The following ZFYVE1 variants were observed in gnomAD, a reference collection of about 807,000 sequenced individuals.
ZFYVE1 encodes the protein zinc finger FYVE-type containing 1, also known as zinc finger FYVE domain-containing protein 1.
In ZFYVE1, 30 loss-of-function variants were observed where a neutral mutation model predicts 74.4. That is an observed-to-expected ratio of 0.40 (90% CI 0.30 to 0.55). The LOEUF (loss-of-function observed/expected upper bound fraction) is 0.55, where lower values mean the gene tolerates loss of function less well. ZFYVE1 is among the 20% of genes least tolerant of loss of function. ZFYVE1 has a pLI of 0.42. For synonymous variants in ZFYVE1, 335 were observed against 385.1 expected (o/e 0.87, Z 1.52); for missense variants, 703 against 1,011.6 (o/e 0.69, Z 4.14).
intron 2 of ZFYVE1, among the ~76,000 whole-genome samples, chr14:73,018,509 ACT>A (rs1894247669): frequency 6.6e-6 from 1 of 150,968 alleles, no homozygotes; most frequent in South Asian, 2.1e-4. Context: ...CTTCCAAATC[ACT>A]CTTCTTAATA....
At chr14:73,022,690 G>T (rs998116931) in intron 2 of ZFYVE1, among the ~76,000 whole-genome samples, 4 of 152,038 alleles carry the variant, frequency 2.6e-5, no homozygotes, top group Non-Finnish European at 5.9e-5. Context: ...CCACTCAAAA[G>T]AAAAGTATAG....
chr14:73,010,078 C>CA (rs927772687), intron 2 of ZFYVE1, among the ~76,000 whole-genome samples: 4 of 151,170 alleles, frequency 2.6e-5, no homozygotes, highest in African/African-American at 2.4e-5. Flanking sequence ...CAACATGTCT[C>CA]AAAAAAAACA....
At chr14:73,015,875 T>C (rs1428075804) in intron 2 of ZFYVE1, among the ~76,000 whole-genome samples, 1 of 151,676 alleles carries the variant, frequency 6.6e-6, no homozygotes, top group East Asian at 2.0e-4. Flanking sequence ...TGCAGTGAGC[T>C]GAGATCGCGC....
chr14:72,980,229 G>A (rs1056072663), intron 5 of ZFYVE1, among the ~76,000 whole-genome samples: 4 of 152,168 alleles, frequency 2.6e-5, no homozygotes, highest in African/African-American at 9.7e-5. Context: ...TGCAGCAGGT[G>A]GCCTACAGGA....
intron 2 of ZFYVE1, among the ~76,000 whole-genome samples, chr14:73,012,364 G>A (rs1238786844): frequency 1.3e-5 from 2 of 152,206 alleles, no homozygotes; most frequent in Admixed American, 6.5e-5. Flanking sequence ...CCTCATGCTT[G>A]TAAACCCAAC....
intron 10 of ZFYVE1, among the ~76,000 whole-genome samples, 186 bp downstream of exon 10, chr14:72,974,593 G>A (rs990892410): frequency 6.6e-5 from 10 of 152,202 alleles, no homozygotes; most frequent in Admixed American, 3.3e-4. Flanking sequence ...GGACAGGTTC[G>A]AGCCCCTGAG....
At chr14:73,020,223 C>CCAG (rs1245262656) in intron 2 of ZFYVE1, among the ~76,000 whole-genome samples, 1 of 129,358 alleles carries the variant, frequency 7.7e-6, no homozygotes, top group Non-Finnish European at 1.5e-5. Flanking sequence ...CCATCACACT[C>CCAG]CAGCACCTGC....
chr14:72,975,015 C>T lies in ZFYVE1; in HGVS notation c.1807-56G>A. On this transcript the variant is annotated intron_variant, in intron 9 of 11. Coordinates refer to ENST00000556143, the MANE Select transcript of ZFYVE1 (RefSeq NM_021260.4). This position sits in a 1 kb window ranked among gnomAD's most constrained non-coding sequence, Gnocchi z 4.1. ...CAGGTAGGTATGGTACATGTCTGCT[C>T]AGCTGAGAAAGTCAACAAGACCCCG... The T allele has an allele frequency of 6.5e-7, 1 of 1,530,436 alleles. No individual in the cohort carries two copies. 94.8% of individuals were successfully genotyped at this position (1,530,436 alleles called of 1,614,324 possible).
chr14:73,025,768 G>C (rs1030243800), intron 1 of ZFYVE1, among the ~76,000 whole-genome samples: 3 of 150,914 alleles, frequency 2.0e-5, no homozygotes, highest in Admixed American at 6.6e-5. Context: ...GCCACCTCTA[G>C]GCCCAAGGCA....
intron 2 of ZFYVE1, among the ~76,000 whole-genome samples, chr14:73,021,081 A>G (rs1894308512): frequency 6.6e-6 from 1 of 151,992 alleles, no homozygotes; most frequent in East Asian, 1.9e-4. Flanking sequence ...ACAGTCACTC[A>G]CGCCTGTAAT....
chr14:72,997,370 A>ATT (rs147301387), intron 3 of ZFYVE1, among the ~76,000 whole-genome samples: 28 of 149,506 alleles, frequency 1.9e-4, no homozygotes, highest in Non-Finnish European at 3.7e-4. Context: ...TCCTAATCTT[A>ATT]TTTTTTTTTT....
chr14:73,000,608 GA>G (rs554256584), intron 2 of ZFYVE1, among the ~76,000 whole-genome samples: 1,888 of 113,250 alleles, frequency 0.017, 15 homozygotes, highest in Non-Finnish European at 0.025. Context: ...TGTCTCTAAA[GA>G]AAAAAAAAAA....
At chr14:73,023,168 ATAT>A (rs374703084) in intron 2 of ZFYVE1, among the ~76,000 whole-genome samples, 106,516 of 121,798 alleles carry the variant, frequency 0.87, 47,497 homozygotes, top group East Asian at 0.93. Context: ...CTCAAAAAAT[ATAT>A]ATATATATAT....
chr14:72,993,952 T>C (rs574799723), intron 3 of ZFYVE1, among the ~76,000 whole-genome samples: 3 of 148,672 alleles, frequency 2.0e-5, no homozygotes, highest in Non-Finnish European at 4.5e-5. Flanking sequence ...GAAGTGGAGG[T>C]TGCAGTGAGC....
At chr14:73,004,094 CAAG>C (rs1481027352) in intron 2 of ZFYVE1, among the ~76,000 whole-genome samples, 1 of 152,194 alleles carries the variant, frequency 6.6e-6, no homozygotes, top group Non-Finnish European at 1.5e-5. Context: ...CGGAGAGAAA[CAAG>C]AAGTTACACA....
rs1447268642 is a variant in ZFYVE1 at position 73,027,080 on chromosome 14, T to G, written c.-589A>C. The G allele has an allele frequency of 7.5e-6, 3 of 399,092 alleles. No individual in the cohort carries two copies. The highest frequency in any genetic ancestry group is 6.2e-5 in the African/African-American group (3 of 48,646). 24.7% of individuals were successfully genotyped at this position (399,092 alleles called of 1,614,324 possible). A position where few individuals can be genotyped will look rare whatever the true frequency, so the allele number is the denominator to read the frequency against. On this transcript the variant is annotated 5_prime_UTR_variant, in exon 1 of 12. Transcript: ENST00000556143. ...CCTCCCGGGCTTCCTCCTCTCCTGT[T>G]GTCAGTTGGGATCAGCTGATCGGAG...
At chr14:73,019,464 T>C (rs1398030245) in intron 2 of ZFYVE1, among the ~76,000 whole-genome samples, 1 of 151,652 alleles carries the variant, frequency 6.6e-6, no homozygotes, top group African/African-American at 2.4e-5. Context: ...AACCCACAAA[T>C]GCCTAGAAAC....
At chr14:73,010,166 G>A (rs1011507821) in intron 2 of ZFYVE1, among the ~76,000 whole-genome samples, 12 of 152,146 alleles carry the variant, frequency 7.9e-5, no homozygotes, top group African/African-American at 2.9e-4. Context: ...TGTATCTTTT[G>A]AATTAAAAAG....
intron 2 of ZFYVE1, among the ~76,000 whole-genome samples, chr14:73,005,788 A>G (rs1361999211): frequency 6.6e-6 from 1 of 152,250 alleles, no homozygotes; most frequent in Admixed American, 6.5e-5. Context: ...GCACAGCAGC[A>G]GCAGCTGGGC....
Sources: allele counts gnomAD v4.1 joint callset (sites outside exome capture counted in the v4.1 genomes callset), GRCh38; gene constraint gnomAD v4.1.1; non-coding constraint Gnocchi (gnomAD v3.1); transcripts MANE v1.5; gene names NCBI Gene and HGNC (gene_info 2026-07-23, HGNC 2026-07-21).